Variants in LONRF2 observed in about 807,000 individuals in gnomAD.
LONRF2 encodes LON peptidase N-terminal domain and ring finger 2, also known as LON peptidase N-terminal domain and RING finger protein 2.
A neutral mutation model predicts 66.6 loss-of-function variants in LONRF2; 35 were observed. That is an observed-to-expected ratio of 0.53 (90% CI 0.40 to 0.70). The LOEUF (loss-of-function observed/expected upper bound fraction) is 0.70. Among genes scored for constraint, LONRF2 ranks in the 30% least tolerant of loss-of-function variants. The probability of loss-of-function intolerance (pLI) is 0.00; values close to 1 mark genes in which losing one functional copy is unlikely to be tolerated. For synonymous variants in LONRF2, 417 were observed against 418.1 expected, an observed-to-expected ratio of 1.00 and a Z score of 0.03; for missense variants, 902 against 1,002.1, an observed-to-expected ratio of 0.90 and a Z score of 1.35.
At chr2:100,294,426 C>A in intron 8 of LONRF2, 39 bp from the exon 9 acceptor site, 1 of 1,510,406 alleles carries the variant, frequency 6.6e-7, no homozygotes, top group South Asian at 1.4e-5. Context: ...GATGTATGAG[C>A]TGTTAGATCA....
intron 9 of LONRF2, among the ~76,000 whole-genome samples, chr2:100,293,204 A>T (rs1674997170): frequency 1.3e-5 from 2 of 152,202 alleles, no homozygotes; most frequent in Non-Finnish European, 2.9e-5. Flanking sequence ...TGGCATCTCT[A>T]CAGCATTGAG....
At chr2:100,298,245 T>C (rs1675111624) in intron 7 of LONRF2, among the ~76,000 whole-genome samples, 1 of 152,252 alleles carries the variant, frequency 6.6e-6, no homozygotes, top group Admixed American at 6.5e-5. Context: ...TCATTGTATT[T>C]ACCATACCTA....
rs1674608811 is a variant in LONRF2, at chr2:100,276,738, C to T, written c.*7560G>A. The T allele has an allele frequency of 6.6e-6, 1 of 152,138 alleles. No individual in the cohort carries two copies. The highest frequency in any genetic ancestry group is 6.5e-5 in the Admixed American group (1 of 15,276). The allele number at this position is 152,138 out of a possible 1,614,324, so 9.4% of individuals were successfully genotyped here. A position where few individuals can be genotyped will look rare whatever the true frequency, so the allele number is the denominator to read the frequency against. ...TCCATTATTATTAAAATTATTAATT[C>T]TACACAATAAATAACTGGCCAATAT... On this transcript the variant is annotated 3_prime_UTR_variant, in exon 12 of 12. Transcript: ENST00000393437.
chr2:100,316,318 C>CAAAAAA (rs57110532), intron 1 of LONRF2, among the ~76,000 whole-genome samples: 83 of 100,894 alleles, frequency 8.2e-4, no homozygotes, highest in African/African-American at 3.2e-3. Context: ...GACTCCATCT[C>CAAAAAA]AAAAAAAAAA....
intron 9 of LONRF2, among the ~76,000 whole-genome samples, chr2:100,292,431 T>C (rs1362896492): frequency 6.6e-6 from 1 of 152,246 alleles, no homozygotes; most frequent in African/African-American, 2.4e-5. Context: ...GAATTCTTCC[T>C]ACACACTTTT....
chr2:100,297,566 C>A (rs1164729649), intron 7 of LONRF2, among the ~76,000 whole-genome samples: 1 of 152,184 alleles, frequency 6.6e-6, no homozygotes, highest in African/African-American at 2.4e-5. Context: ...GCATTTTATT[C>A]TTGTAAGAAC....
chr2:100,322,197 C>T lies in LONRF2; in HGVS notation c.-104G>A. ...GCGGGAGCGCGGTCTCAGCCCTCGC[C>T]AGCAGCCACGCGCGTCTGGGGGCGG... On this transcript the variant is annotated 5_prime_UTR_variant, in exon 1 of 12. Transcript: ENST00000393437. 8.8e-7 allele frequency: 1 copy of T among 1,133,138 alleles called. No individual in the cohort carries two copies. The highest frequency in any genetic ancestry group is 1.6e-5 in the African/African-American group (1 of 61,842). The allele number at this position is 1,133,138 out of a possible 1,614,324, so 70.2% of individuals were successfully genotyped here.
At position 100,274,473 on chromosome 2, in the gene LONRF2, T is replaced by C. The variant is rs898172380; in HGVS notation, c.*9825A>G. 1 of 152,220 alleles carries C rather than the reference T, an allele frequency of 6.6e-6. No homozygotes were observed. Among genetic ancestry groups the C allele is most frequent in the Non-Finnish European group, 1.5e-5 (1 of 68,036 alleles). The allele number at this position is 152,220 out of a possible 1,614,324, so 9.4% of individuals were successfully genotyped here. A position where few individuals can be genotyped will look rare whatever the true frequency, so the allele number is the denominator to read the frequency against. ...TTATATTAATCATGCTTTTTTATAA[T>C]GTATAATGTTTTCACATCTTGGGGA... On this transcript the variant is annotated 3_prime_UTR_variant, in exon 12 of 12. Transcript: ENST00000393437.
intron 10 of LONRF2, among the ~76,000 whole-genome samples, chr2:100,289,721 C>A (rs1176220608): frequency 6.6e-6 from 1 of 152,158 alleles, no homozygotes; most frequent in Non-Finnish European, 1.5e-5. Context: ...CAGGCGTGAG[C>A]CACCATGCCT....
chr2:100,280,191 G>T lies in LONRF2; in HGVS notation c.*4107C>A, dbSNP rs1293976760. The T allele has an allele frequency of 1.3e-5, 2 of 152,224 alleles. No individual in the cohort carries two copies. Among genetic ancestry groups the T allele is most frequent in the Non-Finnish European group, 2.9e-5 (2 of 68,078 alleles). 9.4% of individuals were successfully genotyped at this position (152,224 alleles called of 1,614,324 possible). ...CAGCAGTTGAGAAGTGAAAGTCAAG[G>T]TGAGGCTGAGGTGAGGAGTTGTAAA... On this transcript the variant is annotated 3_prime_UTR_variant, in exon 12 of 12. Coordinates refer to ENST00000393437, the MANE Select transcript of LONRF2 (RefSeq NM_198461.4).
rs1422305679 is a variant in LONRF2, at chr2:100,282,549, A to G, written c.*1749T>C. On this transcript the variant is annotated 3_prime_UTR_variant, in exon 12 of 12. Transcript: ENST00000393437. The stretch of plus-strand genomic sequence containing the variant: ...TTTATTTTATTCCAATCAATGAATG[A>G]TTCAGTTATTCCAATCAAATGATCG... 6.6e-6 allele frequency: 1 copy of G among 152,242 alleles called. No homozygotes were observed. The highest frequency in any genetic ancestry group is 1.9e-4 in the East Asian group (1 of 5,200). The allele number at this position is 152,242 out of a possible 1,614,324, so 9.4% of individuals were successfully genotyped here.
Position 100,290,393 on chromosome 2 carries a change from C to T in LONRF2, c.1785G>A (p.Glu595=). The T allele has an allele frequency of 6.2e-7, 1 of 1,613,780 alleles. No homozygotes were observed. Among genetic ancestry groups the T allele is most frequent in the Non-Finnish European group, 8.5e-7 (1 of 1,179,908 alleles). Residue 595 remains glutamate (E), a synonymous_variant, in exon 10 of 12, where the codon GAG becomes GAA. Coordinates refer to ENST00000393437, the MANE Select transcript of LONRF2 (RefSeq NM_198461.4). ...AGLSEYGCML[E]IKDVRTFPDG... ...CAGGAAACGTTCTCACGTCCTTAAT[C>T]TCCAGCATGCATCCATACTCTGAAA...
chr2:100,313,900 T>C (rs1184769452), intron 1 of LONRF2, among the ~76,000 whole-genome samples: 2 of 152,218 alleles, frequency 1.3e-5, no homozygotes, highest in Non-Finnish European at 2.9e-5. Flanking sequence ...TTCATTCTTA[T>C]TGTTATATGT....
intron 7 of LONRF2, among the ~76,000 whole-genome samples, chr2:100,297,447 T>C (rs1313393458): frequency 6.6e-6 from 1 of 152,188 alleles, no homozygotes; most frequent in Non-Finnish European, 1.5e-5. Context: ...AAGCAGCTTC[T>C]ATTCTAGTGA....
At position 100,321,589 on chromosome 2, in the gene LONRF2, G is replaced by A. The variant is rs777117415; in HGVS notation, c.505C>T (p.Pro169Ser). The change falls in exon 1 of 12, where the codon CCA becomes TCA. Residue 169 changes from proline to serine, a missense_variant. This residue lies in a region of LONRF2 where 585 missense variants were observed against 569.9 expected (regional missense o/e 1.03). Transcript: ENST00000393437. ...CGCACCTGCGGCCGCGCGGGCCCTGGCTCCACGCAGCGCTTGCAGACTGTG... is the reference window on the plus strand; with the variant it reads ...CGCACCTGCGGCCGCGCGGGCCCTGACTCCACGCAGCGCTTGCAGACTGTG... ...GLTVCKRCVEPGPARPQVRRV... is the reference protein window; with the variant it reads ...GLTVCKRCVESGPARPQVRRV... 5 of 1,526,726 alleles carry A rather than the reference G, an allele frequency of 3.3e-6. No homozygotes were observed. The highest frequency in any genetic ancestry group is 4.4e-6 in the Non-Finnish European group (5 of 1,149,246). 94.6% of individuals were successfully genotyped at this position (1,526,726 alleles called of 1,614,324 possible).
chr2:100,299,385 A>C (rs999183398), intron 5 of LONRF2, 66 bp from the exon 6 acceptor site: 15 of 965,686 alleles, frequency 1.6e-5, no homozygotes, highest in Non-Finnish European at 2.1e-5. Flanking sequence ...GCATGCAAGA[A>C]ATGTATTTTC....
chr2:100,312,220 T>C (rs1384840220), intron 1 of LONRF2, among the ~76,000 whole-genome samples: 1 of 152,208 alleles, frequency 6.6e-6, no homozygotes, highest in African/African-American at 2.4e-5. Flanking sequence ...TGGATAAATA[T>C]TGATAATTTG....
At chr2:100,284,654 T>C (rs1674808448) in intron 11 of LONRF2, among the ~76,000 whole-genome samples, 162 bp from the exon 12 acceptor site, 1 of 152,234 alleles carries the variant, frequency 6.6e-6, no homozygotes, top group Non-Finnish European at 1.5e-5. Flanking sequence ...ATACATAGTT[T>C]ACTTTTATGG....
chr2:100,291,912 T>C (rs747525986), intron 9 of LONRF2, among the ~76,000 whole-genome samples: 11 of 152,052 alleles, frequency 7.2e-5, no homozygotes, highest in Non-Finnish European at 1.5e-5. Flanking sequence ...TTATAATATA[T>C]ACGAATTCAA....
Sources: gnomAD v4.1 joint callset for allele counts (sites outside exome capture counted in the v4.1 genomes callset) on GRCh38, gnomAD v4.1.1 for gene constraint, gnomAD v4.1.1 regional missense constraint, MANE v1.5 for transcripts, NCBI Gene and HGNC (gene_info 2026-07-23, HGNC 2026-07-21) for gene names.